Variants in FANCL observed in about 807,000 individuals in gnomAD.
FANCL encodes the protein E3 ubiquitin-protein ligase FANCL.
In FANCL, 69 loss-of-function variants were observed where a neutral mutation model predicts 59.4. The ratio of observed to expected loss-of-function variants is 1.16; its 90% CI spans 0.96 to 1.42. The LOEUF is 1.42. FANCL is among the 40% of genes most tolerant of loss of function. The probability of loss-of-function intolerance (pLI) is 0.00; values close to 1 mark genes in which losing one functional copy is unlikely to be tolerated. For synonymous variants in FANCL, 180 were observed against 147.1 expected, an observed-to-expected ratio of 1.22 and a Z score of -1.62; for missense variants, 519 against 447.2, an observed-to-expected ratio of 1.16 and a Z score of -1.45.
At chr2:58,235,900 G>A (rs1693972645) in intron 1 of FANCL, among the ~76,000 whole-genome samples, 1 of 151,484 alleles carries the variant, frequency 6.6e-6, no homozygotes, top group Admixed American at 6.6e-5. Context: ...TACAAAAGAA[G>A]GTATTAGTAT....
At position 58,204,117 on chromosome 2, in the gene FANCL, A is replaced by G. The variant is rs777075089; in HGVS notation, c.471+13T>C. 3.1e-6 allele frequency: 5 copies of G among 1,591,442 alleles called. No individual in the cohort carries two copies. Among genetic ancestry groups the G allele is most frequent in the Middle Eastern group, 1.7e-4 (1 of 6,000 alleles). ...ATTTTCTGATCACAATAACAGTTTA[A>G]CGAGGCACATACCTTTGCCTTCAAC... On this transcript the variant is annotated intron_variant, in intron 6 of 13. Transcript: ENST00000233741.
chr2:58,213,684 G>A (rs1691408096), intron 5 of FANCL: 2 of 149,758 alleles, frequency 1.3e-5, no homozygotes, highest in East Asian at 3.9e-4. Context: ...GACTCGCCTG[G>A]GCAATACAGC....
intron 2 of FANCL, 82 bp from the exon 3 acceptor site, chr2:58,229,956 A>G: frequency 1.1e-6 from 1 of 931,056 alleles, no homozygotes; most frequent in South Asian, 1.4e-5. Context: ...ACATGCATGT[A>G]CATACAAAAG....
chr2:58,221,153 C>A (rs944960755), intron 5 of FANCL, among the ~76,000 whole-genome samples: 21 of 150,958 alleles, frequency 1.4e-4, no homozygotes, highest in African/African-American at 4.6e-4. Flanking sequence ...GCGGAGCTTG[C>A]AATCAGCCTA....
intron 5 of FANCL, among the ~76,000 whole-genome samples, chr2:58,208,820 T>C (rs1191451760): frequency 2.0e-5 from 3 of 152,200 alleles, no homozygotes; most frequent in Non-Finnish European, 4.4e-5. Context: ...TCTTCCTAAA[T>C]ACATTTTTAA....
At position 58,181,706 on chromosome 2, in the gene FANCL, G is replaced by A. The variant is rs541438695; in HGVS notation, c.541-15832C>T. ...GATTAACTATCAAATTTAGATGGTGGATACATGGGTATTCACCATTAACTT... is the reference window on the plus strand; with the variant it reads ...GATTAACTATCAAATTTAGATGGTGAATACATGGGTATTCACCATTAACTT... On this transcript the variant is annotated intron_variant, in intron 7 of 13. Coordinates refer to ENST00000233741, the MANE Select transcript of FANCL (RefSeq NM_018062.4). Among the ~76,000 whole-genome samples, 37 of 152,014 alleles carry A rather than the reference G, an allele frequency of 2.4e-4. 1 individual carries two copies. The highest frequency in any genetic ancestry group is 8.7e-4 in the African/African-American group (36 of 41,524).
In FANCL at chr2:58,171,892, C is replaced by G. The variant is rs374192999; in HGVS notation, c.541-6018G>C. Among the ~76,000 whole-genome samples the G allele has an allele frequency of 2.6e-5, 4 of 152,302 alleles. 1 individual carries two copies. The highest frequency in any genetic ancestry group is 9.6e-5 in the African/African-American group (4 of 41,560). On this transcript the variant is annotated intron_variant, in intron 7 of 13. Coordinates refer to ENST00000233741, the MANE Select transcript of FANCL (RefSeq NM_018062.4). ...ACAGACAGCACCCGGAAAATCGGGT[C>G]ACTCCCACCCCAATACTGCGCTTTT...
At chr2:58,233,825 G>A (rs1403035481) in intron 1 of FANCL, among the ~76,000 whole-genome samples, 1 of 152,042 alleles carries the variant, frequency 6.6e-6, no homozygotes, top group Non-Finnish European at 1.5e-5. Context: ...AAGTCAAGGA[G>A]CCAGTCCTGG....
intron 5 of FANCL, among the ~76,000 whole-genome samples, chr2:58,205,994 C>T (rs888640981): frequency 3.3e-5 from 5 of 151,948 alleles, no homozygotes; most frequent in African/African-American, 1.2e-4. Context: ...TCCAAGAATA[C>T]GCAATGCTAA....
intron 5 of FANCL, among the ~76,000 whole-genome samples, chr2:58,208,544 T>C (rs1401689950): frequency 3.9e-5 from 6 of 152,202 alleles, no homozygotes; most frequent in African/African-American, 9.6e-5. Flanking sequence ...ACTGCACTTA[T>C]ATTGACCAAG....
At chr2:58,174,660 G>A (rs940384553) in intron 7 of FANCL, among the ~76,000 whole-genome samples, 2 of 152,076 alleles carry the variant, frequency 1.3e-5, no homozygotes, top group African/African-American at 4.8e-5. Flanking sequence ...GAAATTTATA[G>A]CACTAAATGC....
At chr2:58,165,156 C>T (rs544262868) in intron 8 of FANCL, among the ~76,000 whole-genome samples, 2 of 152,146 alleles carry the variant, frequency 1.3e-5, no homozygotes, top group South Asian at 2.1e-4. Context: ...ATTTTATAGT[C>T]GAGAACATGA....
intron 7 of FANCL, among the ~76,000 whole-genome samples, chr2:58,176,921 A>C (rs1687385631): frequency 1.3e-5 from 2 of 152,104 alleles, no homozygotes; most frequent in Admixed American, 1.3e-4. Flanking sequence ...AAAGAACTCA[A>C]ACAAATTTAC....
At chr2:58,168,677 C>A (rs1450400865) in intron 7 of FANCL, among the ~76,000 whole-genome samples, 5 of 152,084 alleles carry the variant, frequency 3.3e-5, no homozygotes, top group Non-Finnish European at 2.9e-5. Context: ...CCCAAGAAGC[C>A]CAGCAAGCTA....
intron 5 of FANCL, among the ~76,000 whole-genome samples, chr2:58,216,042 A>G (rs1691686297): frequency 6.6e-6 from 1 of 152,176 alleles, no homozygotes; most frequent in Admixed American, 6.5e-5. Context: ...ATGCTAACAA[A>G]AAGTGATAGA....
At chr2:58,219,307 A>G (rs1005033935) in intron 5 of FANCL, among the ~76,000 whole-genome samples, 3 of 150,606 alleles carry the variant, frequency 2.0e-5, no homozygotes. Flanking sequence ...ATAGTATTTG[A>G]TTATAACCCA....
chr2:58,171,377 C>G (rs1686592277), intron 7 of FANCL, among the ~76,000 whole-genome samples: 1 of 152,118 alleles, frequency 6.6e-6, no homozygotes, highest in African/African-American at 2.4e-5. Context: ...ACAGCCAAAG[C>G]AGTGTTTCAA....
intron 6 of FANCL, among the ~76,000 whole-genome samples, chr2:58,201,884 T>C (rs1558787554): frequency 1.3e-5 from 2 of 152,028 alleles, no homozygotes; most frequent in Non-Finnish European, 2.9e-5. Context: ...AATGCATTTA[T>C]TTACTGTATA....
chr2:58,233,761 T>C (rs1225529065), intron 1 of FANCL, among the ~76,000 whole-genome samples: 1 of 151,996 alleles, frequency 6.6e-6, no homozygotes, highest in Non-Finnish European at 1.5e-5. Flanking sequence ...TAACAAGCTC[T>C]GGTAAATCAG....
Sources: gnomAD v4.1 joint callset for allele counts (sites outside exome capture counted in the v4.1 genomes callset) on GRCh38, gnomAD v4.1.1 for gene constraint, MANE v1.5 for transcripts, NCBI Gene and HGNC (gene_info 2026-07-23, HGNC 2026-07-21) for gene names.